Variants in PRMT9 observed in about 807,000 individuals in gnomAD.
The protein encoded by PRMT9 is protein arginine methyltransferase 9, also known as protein arginine N-methyltransferase 9.
A neutral mutation model predicts 83.2 loss-of-function variants in PRMT9; 59 were observed. The ratio of observed to expected loss-of-function variants is 0.71; its 90% CI spans 0.57 to 0.88. The LOEUF (loss-of-function observed/expected upper bound fraction) is 0.88. Ranked by LOEUF, PRMT9 falls within the 40% of genes least tolerant of loss-of-function variation. The pLI, the probability that PRMT9 is intolerant of heterozygous loss-of-function variation, is 0.00. For missense variants in PRMT9, 947 were observed against 1,021.9 expected, an observed-to-expected ratio of 0.93 and a Z score of 1.00; for synonymous variants, 333 against 353.2, an observed-to-expected ratio of 0.94 and a Z score of 0.64.
rs1734306166 is a variant in PRMT9, at chr4:147,654,037, G to A, written c.1860C>T (p.Asp620=). ...GAAAGTGATTGGCTTCAGATATGAG[G>A]TCCAGAGCAATACGATGCTGGTCTT... ...VEKDQHRIAL[D]LISEANHFPK... is the part of the protein sequence containing the mutation. Residue 620 remains aspartate, a synonymous_variant, in exon 9 of 12, where the codon GAC becomes GAT. Coordinates refer to ENST00000322396, the MANE Select transcript of PRMT9 (RefSeq NM_138364.4). 6.2e-7 allele frequency: 1 copy of A among 1,614,208 alleles called. No individual in the cohort carries two copies. The highest frequency in any genetic ancestry group is 8.5e-7 in the Non-Finnish European group (1 of 1,180,032).
At chr4:147,640,104 A>C (rs1578870722) in intron 10 of PRMT9, among the ~76,000 whole-genome samples, 8 of 101,020 alleles carry the variant, frequency 7.9e-5, no homozygotes, top group East Asian at 3.1e-4. Context: ...ATAGGGTCTC[A>C]CTCTGTTCCC....
At chr4:147,682,261 C>T (rs952600699) in intron 1 of PRMT9, among the ~76,000 whole-genome samples, 1 of 152,158 alleles carries the variant, frequency 6.6e-6, no homozygotes, top group Admixed American at 6.5e-5. Context: ...CTCACCACAA[C>T]CTCTGCCTCC....
intron 6 of PRMT9, among the ~76,000 whole-genome samples, chr4:147,665,383 G>A (rs1735259531): frequency 6.6e-6 from 1 of 152,082 alleles, no homozygotes; most frequent in Admixed American, 6.5e-5. Context: ...TTATTAATCT[G>A]CTTAAGATAC....
intron 2 of PRMT9, among the ~76,000 whole-genome samples, chr4:147,674,415 T>C (rs1215156753): frequency 6.6e-6 from 1 of 152,016 alleles, no homozygotes; most frequent in Non-Finnish European, 1.5e-5. Flanking sequence ...CTAAGCTAAA[T>C]AAATGCTCTG....
intron 4 of PRMT9, among the ~76,000 whole-genome samples, chr4:147,672,454 G>T (rs2036498): frequency 4.6e-5 from 7 of 152,290 alleles, no homozygotes; most frequent in South Asian, 4.1e-4. Context: ...GATATGGATC[G>T]GAGTGAGAAA....
intron 7 of PRMT9, among the ~76,000 whole-genome samples, chr4:147,658,410 T>G (rs546762787): frequency 1.5e-3 from 225 of 151,934 alleles, no homozygotes; most frequent in Non-Finnish European, 1.9e-3. Context: ...GAAAAGAAAG[T>G]CTGGAAAGAT....
In PRMT9 at chr4:147,657,781, A is replaced by G. The variant is rs1388384833; in HGVS notation, c.1330+11T>C. 4 of 1,607,640 alleles carry G rather than the reference A, an allele frequency of 2.5e-6. No individual in the cohort carries two copies. The highest frequency in any genetic ancestry group is 2.2e-5 in the East Asian group (1 of 44,798). ...AGCAAGAGGTTAAAAAAAAAAATGG[A>G]CAAGACCTACCTGCAAGGTCCTGTA... is the stretch of plus-strand genomic sequence containing the variant. On this transcript the variant is annotated intron_variant, in intron 8 of 11. Transcript: ENST00000322396.
intron 2 of PRMT9, among the ~76,000 whole-genome samples, chr4:147,677,612 C>G (rs1203209684): frequency 1.3e-5 from 2 of 151,886 alleles, no homozygotes; most frequent in African/African-American, 4.8e-5. Context: ...TGCCACCACA[C>G]CCGTTTACTT....
At chr4:147,674,232 G>A (rs562533527) in intron 2 of PRMT9, among the ~76,000 whole-genome samples, 54 of 152,196 alleles carry the variant, frequency 3.5e-4, no homozygotes, top group African/African-American at 1.2e-3. Context: ...TGTGGGGGCC[G>A]GCATGCCTTT....
intron 7 of PRMT9, among the ~76,000 whole-genome samples, chr4:147,660,578 C>T (rs1028849872): frequency 1.3e-5 from 2 of 151,940 alleles, no homozygotes; most frequent in Non-Finnish European, 1.5e-5. Flanking sequence ...TGCAGTGAGC[C>T]GAGATGGTGC....
chr4:147,681,384 G>A (rs1359258165), intron 1 of PRMT9, among the ~76,000 whole-genome samples: 1 of 152,204 alleles, frequency 6.6e-6, no homozygotes, highest in Non-Finnish European at 1.5e-5. Flanking sequence ...TGGAAAGAGG[G>A]AAAGCTTTAG....
chr4:147,680,324 T>C lies in PRMT9; in HGVS notation c.337A>G (p.Arg113Gly). Residue 113 changes from arginine (R) to glycine (G), a missense_variant and splice_region_variant, in exon 2 of 12, where the codon AGA (arginine) becomes GGA (glycine). By Grantham distance (125) the Arg-to-Gly change is moderately radical. Coordinates refer to ENST00000322396, the MANE Select transcript of PRMT9 (RefSeq NM_138364.4). Reference protein sequence around the residue: ...ICNSMGEHLFRMGFRDEAAGY... With the variant: ...ICNSMGEHLFGMGFRDEAAGY... ...AGTAATACTAAAATCACTACAAACC[T>C]GAAGAGATGCTCCCCCATACTATTG... The C allele has an allele frequency of 6.2e-7, 1 of 1,613,968 alleles. No homozygotes were observed. The highest frequency in any genetic ancestry group is 8.5e-7 in the Non-Finnish European group (1 of 1,179,844).
At chr4:147,661,089 T>A (rs781636823) in intron 6 of PRMT9, 51 bp from the exon 7 acceptor site, 1 of 1,146,188 alleles carries the variant, frequency 8.7e-7, no homozygotes, top group South Asian at 1.2e-5. Flanking sequence ...TTTTTTAGAA[T>A]CAAGTAACAT....
chr4:147,648,678 G>A (rs1453272422), intron 9 of PRMT9, among the ~76,000 whole-genome samples: 1 of 152,192 alleles, frequency 6.6e-6, no homozygotes, highest in African/African-American at 2.4e-5. Flanking sequence ...ATCTGAAGTA[G>A]GGGGCAGTCT....
intron 8 of PRMT9, among the ~76,000 whole-genome samples, 195 bp from the exon 9 acceptor site, chr4:147,654,761 CAATT>C (rs1036466240): frequency 1.3e-5 from 2 of 152,132 alleles, no homozygotes; most frequent in African/African-American, 2.4e-5. Context: ...TTTGAATACT[CAATT>C]AACCAGTAGC....
chr4:147,656,771 C>CAA (rs1023416920), intron 8 of PRMT9, among the ~76,000 whole-genome samples: 1,027 of 47,508 alleles, frequency 0.022, 44 homozygotes, highest in South Asian at 0.035. Context: ...GACTCTGTCT[C>CAA]AAAAAAAAAA....
chr4:147,669,235 AT>A (rs1337236139), intron 5 of PRMT9, among the ~76,000 whole-genome samples: 1,331 of 23,358 alleles, frequency 0.057, 19 homozygotes, highest in African/African-American at 0.076. Flanking sequence ...CAGAAAAAAA[AT>A]GTTTTTTTTA....
intron 9 of PRMT9, among the ~76,000 whole-genome samples, chr4:147,648,897 G>A (rs1156937266): frequency 6.6e-6 from 1 of 152,102 alleles, no homozygotes; most frequent in Non-Finnish European, 1.5e-5. Context: ...TCTTAGCTAT[G>A]TTCAGATAAA....
chr4:147,646,826 G>A (rs1186810685), intron 9 of PRMT9, among the ~76,000 whole-genome samples: 1 of 152,094 alleles, frequency 6.6e-6, no homozygotes, highest in Non-Finnish European at 1.5e-5. Flanking sequence ...GATGCCAATT[G>A]TAGGTCCTAG....
Sources: allele counts gnomAD v4.1 joint callset (sites outside exome capture counted in the v4.1 genomes callset), GRCh38; gene constraint gnomAD v4.1.1; transcripts MANE v1.5; gene names NCBI Gene and HGNC (gene_info 2026-07-23, HGNC 2026-07-21).